RCL1: variants seen among roughly 807,000 people sequenced by gnomAD.
The protein encoded by RCL1 is RNA 3'-terminal phosphate cyclase-like protein.
RCL1 carries 24 observed loss-of-function variants against 42.4 expected under a neutral mutation model. That is an observed-to-expected ratio of 0.57 (90% CI 0.41 to 0.80). The LOEUF (loss-of-function observed/expected upper bound fraction) is 0.80. RCL1 is among the 30% of genes least tolerant of loss of function. The pLI is 0.00. For missense variants in RCL1, 578 were observed against 467.9 expected, an observed-to-expected ratio of 1.24 and a Z score of -2.17; for synonymous variants, 228 against 177.3, an observed-to-expected ratio of 1.29 and a Z score of -2.27.
chr9:4,805,069 G>A (rs1191492005), intron 1 of RCL1: 1 of 152,350 alleles, frequency 6.6e-6, no homozygotes, highest in East Asian at 1.9e-4. Flanking sequence ...CATTAATGTG[G>A]GGCCCTGAAG....
intron 2 of RCL1, among the ~76,000 whole-genome samples, chr9:4,825,503 G>C (rs1316112405): frequency 1.3e-5 from 2 of 152,232 alleles, no homozygotes; most frequent in African/African-American, 4.8e-5. Flanking sequence ...TCCTGATTGT[G>C]ATTGTTTGGA....
At chr9:4,834,756 T>A (rs1177108032) in intron 5 of RCL1, among the ~76,000 whole-genome samples, 1 of 152,154 alleles carries the variant, frequency 6.6e-6, no homozygotes, top group African/African-American at 2.4e-5. Flanking sequence ...ATATCTACTA[T>A]TAAGTATTTA....
intron 7 of RCL1, among the ~76,000 whole-genome samples, chr9:4,844,988 G>A (rs1226460465): frequency 6.6e-6 from 1 of 152,182 alleles, no homozygotes; most frequent in Admixed American, 6.5e-5. Context: ...TAAGGTGGTG[G>A]CTGACACACT....
intron 1 of RCL1, among the ~76,000 whole-genome samples, chr9:4,811,525 C>G (rs907255691): frequency 6.6e-6 from 1 of 152,060 alleles, no homozygotes; most frequent in African/African-American, 2.4e-5. Flanking sequence ...ATTTATCTTT[C>G]TGTGTCTGGC....
At chr9:4,833,363 A>G in intron 4 of RCL1, 135 bp downstream of exon 4, 1 of 688,544 alleles carries the variant, frequency 1.5e-6, no homozygotes, top group South Asian at 1.6e-5. Context: ...CACAGGGCTC[A>G]TGAAATAAAC....
chr9:4,835,770 A>G lies in RCL1; in HGVS notation c.584+1505A>G, dbSNP rs553518666. Among the ~76,000 whole-genome samples the G allele has an allele frequency of 1.6e-4, 24 of 152,342 alleles. No individual in the cohort carries two copies. In the South Asian group the frequency reaches 4.8e-3, roughly 30 times the overall value. ...TTGGCCGTAAGCCTTGGTTGCCCGT[A>G]TATCTTTAGTCCTGTTATAACTGCT... On this transcript the variant is annotated intron_variant, in intron 5 of 8. Coordinates refer to ENST00000381750, the MANE Select transcript of RCL1 (RefSeq NM_005772.5).
chr9:4,856,855 C>T (rs1052870358), intron 8 of RCL1, among the ~76,000 whole-genome samples: 2 of 152,166 alleles, frequency 1.3e-5, no homozygotes, highest in South Asian at 2.1e-4. Flanking sequence ...GCCCCTGATG[C>T]GCTGGTCACT....
chr9:4,806,387 G>C (rs1432240980), intron 1 of RCL1, among the ~76,000 whole-genome samples: 1 of 152,102 alleles, frequency 6.6e-6, no homozygotes, highest in Admixed American at 6.6e-5. Flanking sequence ...GTCAAGTTGA[G>C]AAAGTAATCT....
At chr9:4,841,434 C>G in intron 6 of RCL1, 77 bp downstream of exon 6, 2 of 1,187,320 alleles carry the variant, frequency 1.7e-6, no homozygotes, top group Non-Finnish European at 2.5e-6. Context: ...AAACTGCCAG[C>G]TCTGAGGTTG....
intron 1 of RCL1, among the ~76,000 whole-genome samples, chr9:4,794,504 A>G (rs754784207): frequency 2.9e-4 from 44 of 152,190 alleles, no homozygotes; most frequent in Non-Finnish European, 5.3e-4. Context: ...CCCTTGGGCA[A>G]AGTGTTTGCT....
At position 4,823,577 on chromosome 9, in the gene RCL1, G is replaced by C; in HGVS notation, c.166G>C (p.Asp56His). ...DFEASFIRLL[D>H]KITNGSRIEI... ...TGAAGCCAGCTTCATAAGGCTATTG[G>C]ACAAAATAACGAATGGTTCTCGAAT... is the stretch of plus-strand genomic sequence containing the variant. Residue 56 changes from aspartate to histidine, a missense_variant, in exon 2 of 9, where the codon GAC becomes CAC. Physicochemically the swap from Asp to His is moderately conservative, Grantham distance 81. Transcript: ENST00000381750. 6.2e-7 allele frequency: 1 copy of C among 1,611,358 alleles called. No homozygotes were observed.
chr9:4,860,127 T>C lies in RCL1; in HGVS notation c.974T>C (p.Ile325Thr). The C allele has an allele frequency of 1.9e-6, 3 of 1,572,610 alleles. No individual in the cohort carries two copies. Among genetic ancestry groups the C allele is most frequent in the African/African-American group, 1.4e-5 (1 of 73,162 alleles). The change falls in exon 9 of 9, where the codon ATA becomes ACA. Residue 325 changes from isoleucine (I) to threonine (T), a missense_variant and splice_region_variant. By Grantham distance (89) the Ile-to-Thr change is moderately conservative. Transcript: ENST00000381750. Reference protein sequence around the residue: ...VLLGPLSPYTIEFLRHLKSFF... With the variant: ...VLLGPLSPYTTEFLRHLKSFF... ...TTATTTATTTTTTTCCTTTTTAGGA[T>C]AGAATTTTTGCGGCATTTGAAGAGC...
At chr9:4,856,162 C>T (rs1003864288) in intron 8 of RCL1, among the ~76,000 whole-genome samples, 1 of 152,204 alleles carries the variant, frequency 6.6e-6, no homozygotes, top group African/African-American at 2.4e-5. Flanking sequence ...GCTTTGCCCA[C>T]AGATGTGGAC....
intron 1 of RCL1, among the ~76,000 whole-genome samples, chr9:4,811,081 C>G (rs903880415): frequency 6.6e-6 from 1 of 151,906 alleles, no homozygotes; most frequent in Non-Finnish European, 1.5e-5. Context: ...AAAATATACA[C>G]CAGCCTGGGC....
rs10217443 is a variant in RCL1 at position 4,835,702 on chromosome 9, C to T, written c.584+1437C>T. Among the ~76,000 whole-genome samples, 960 of 152,286 alleles carry T rather than the reference C, an allele frequency of 6.3e-3. 4 individuals carry two copies. The highest frequency in any genetic ancestry group is 0.019 in the African/African-American group (772 of 41,544). ...AGCCCAGGTGCTGGAGTCAGAAAGA[C>T]GTGGGTGCCGACGCCGGCTGCGCCA... On this transcript the variant is annotated intron_variant, in intron 5 of 8. Transcript: ENST00000381750.
At position 4,831,419 on chromosome 9, in the gene RCL1, G is replaced by A. The variant is rs368684751; in HGVS notation, c.385-1735G>A. Among the ~76,000 whole-genome samples, 7 of 151,574 alleles carry A rather than the reference G, an allele frequency of 4.6e-5. No individual in the cohort carries two copies. In the South Asian group the frequency reaches 6.2e-4, roughly 13 times the overall value. On this transcript the variant is annotated intron_variant, in intron 3 of 8. Transcript: ENST00000381750. ...TTCTCCCCAGCTGCTCTTAAGCCTC[G>A]ACTGTATTCTTCTTTATCTGGCAAC... is the stretch of plus-strand genomic sequence containing the variant.
chr9:4,805,562 A>T (rs1278549014), intron 1 of RCL1, among the ~76,000 whole-genome samples: 1 of 152,202 alleles, frequency 6.6e-6, no homozygotes, highest in Admixed American at 6.5e-5. Context: ...GAAATAGACA[A>T]TCAGCAGGGT....
intron 3 of RCL1, among the ~76,000 whole-genome samples, chr9:4,829,828 A>G (rs1300461793): frequency 5.3e-5 from 8 of 152,312 alleles, no homozygotes; most frequent in African/African-American, 9.6e-5. Context: ...TGGTTCCTCC[A>G]TGACAGCCAT....
rs1428320408 is a variant in RCL1, at chr9:4,823,627, C to G, written c.208+8C>G. 6.3e-7 allele frequency: 1 copy of G among 1,599,940 alleles called. No individual in the cohort carries two copies. Among genetic ancestry groups the G allele is most frequent in the Non-Finnish European group, 8.5e-7 (1 of 1,171,510 alleles). On this transcript the variant is annotated splice_region_variant and intron_variant, in intron 2 of 8. Coordinates refer to ENST00000381750, the MANE Select transcript of RCL1 (RefSeq NM_005772.5). Reference sequence around the variant, plus strand: ...TTGAAATAAACCAAACAGGTAAGCTCCTTTTAGATTCCTAAAAGCACCTCC... The same window carrying G: ...TTGAAATAAACCAAACAGGTAAGCTGCTTTTAGATTCCTAAAAGCACCTCC...
Sources: gnomAD v4.1 joint callset for allele counts (sites outside exome capture counted in the v4.1 genomes callset) on GRCh38, gnomAD v4.1.1 for gene constraint, MANE v1.5 for transcripts, NCBI Gene and HGNC (gene_info 2026-07-23, HGNC 2026-07-21) for gene names.